Variants in TNN observed in about 807,000 individuals in gnomAD.
TNN encodes the protein tenascin N.
Under a neutral mutation model 134.4 loss-of-function variants are expected in TNN, and 122 were observed. The observed-to-expected ratio is 0.91, with a 90% CI of 0.78 to 1.06. The LOEUF is 1.06. Ranked by LOEUF, TNN falls within the 50% of genes least tolerant of loss-of-function variation. The probability of loss-of-function intolerance (pLI) is 0.00; values close to 1 mark genes in which losing one functional copy is unlikely to be tolerated. For synonymous variants in TNN, 710 were observed against 670.3 expected, an observed-to-expected ratio of 1.06 and a Z score of -0.91; for missense variants, 1,739 against 1,699.4, an observed-to-expected ratio of 1.02 and a Z score of -0.41.
rs187202853 is a variant in TNN, at chr1:175,096,937, G to C, written c.1589-480G>C. Among the ~76,000 whole-genome samples the C allele has an allele frequency of 4.7e-3, 721 of 152,256 alleles. 7 individuals are homozygous for C. The highest frequency in any genetic ancestry group is 0.017 in the African/African-American group (698 of 41,540). On this transcript the variant is annotated intron_variant, in intron 7 of 18. Transcript: ENST00000239462. ...GACCTCAGATACTATCAATTAAAAAGTCTCCTGGTTCCCTGGCCACAGATG... is the reference window on the plus strand; with the variant it reads ...GACCTCAGATACTATCAATTAAAAACTCTCCTGGTTCCCTGGCCACAGATG...
At chr1:175,108,530 C>T (rs765974840) in intron 9 of TNN, among the ~76,000 whole-genome samples, 4 of 152,218 alleles carry the variant, frequency 2.6e-5, no homozygotes, top group Non-Finnish European at 4.4e-5. Context: ...TGGGGAGGCT[C>T]GGGCTGCACA....
intron 15 of TNN, among the ~76,000 whole-genome samples, chr1:175,134,755 A>G (rs1352598530): frequency 6.6e-6 from 1 of 151,894 alleles, no homozygotes; most frequent in African/African-American, 2.4e-5. Context: ...ATGCACTTCC[A>G]TCTATTCTCA....
intron 12 of TNN, among the ~76,000 whole-genome samples, chr1:175,126,440 C>T (rs16847836): frequency 0.19 from 29,411 of 152,032 alleles, 3,816 homozygotes; most frequent in East Asian, 0.51. Flanking sequence ...AATCATAAGC[C>T]CATATTCTAC....
intron 15 of TNN, 34 bp downstream of exon 15, chr1:175,128,780 AG>A: frequency 1.9e-6 from 3 of 1,577,502 alleles, no homozygotes; most frequent in Middle Eastern, 1.8e-4. Flanking sequence ...AGCTCTGTGT[AG>A]GGCCTTCCTT....
intron 1 of TNN, among the ~76,000 whole-genome samples, chr1:175,071,260 AT>A (rs927769496): frequency 5.9e-4 from 89 of 150,228 alleles, no homozygotes; most frequent in African/African-American, 1.5e-3. Flanking sequence ...CGTAAGTAGT[AT>A]TTTTTTTTTC....
intron 10 of TNN, among the ~76,000 whole-genome samples, chr1:175,118,245 G>A (rs1013559970): frequency 6.6e-6 from 1 of 152,186 alleles, no homozygotes; most frequent in Non-Finnish European, 1.5e-5. Context: ...TCTGCACACT[G>A]TCTAGAACAT....
chr1:175,073,513 A>G (rs1438984656), intron 1 of TNN, among the ~76,000 whole-genome samples: 1 of 152,166 alleles, frequency 6.6e-6, no homozygotes, highest in Non-Finnish European at 1.5e-5. Context: ...AGTCCATTTC[A>G]GTATTGAGCC....
chr1:175,124,946 T>C (rs1409874157), intron 12 of TNN, among the ~76,000 whole-genome samples: 3 of 152,216 alleles, frequency 2.0e-5, no homozygotes, highest in Admixed American at 2.0e-4. Context: ...TCCTGCTTCA[T>C]AGAAATGTGA....
Position 175,067,838 on chromosome 1 carries a change from G to A in TNN, c.-133G>A, listed in dbSNP as rs764414481. The A allele has an allele frequency of 2.0e-6, 1 of 491,976 alleles. No homozygotes were observed. The highest frequency in any genetic ancestry group is 4.1e-6 in the Non-Finnish European group (1 of 246,904). 30.5% of individuals were successfully genotyped at this position (491,976 alleles called of 1,614,324 possible). On this transcript the variant is annotated 5_prime_UTR_variant, in exon 1 of 19. Transcript: ENST00000239462. ...CCAGGAAGGGAAGCCAAGGAGAGAC[G>A]AGAACCAGGGACGACCAGCAAGTAC...
At chr1:175,078,486 C>T (rs1414165011) in intron 2 of TNN, among the ~76,000 whole-genome samples, 1 of 152,142 alleles carries the variant, frequency 6.6e-6, no homozygotes, top group African/African-American at 2.4e-5. Context: ...CAGGCTGATC[C>T]AATGATAATG....
At chr1:175,091,624 A>G (rs1385844655) in intron 6 of TNN, among the ~76,000 whole-genome samples, 1 of 149,678 alleles carries the variant, frequency 6.7e-6, no homozygotes, top group Non-Finnish European at 1.5e-5. Context: ...GAGTCTTGCT[A>G]TGTCACCTAG....
At position 175,099,780 on chromosome 1, in the gene TNN, C is replaced by T. The variant is rs755037839; in HGVS notation, c.2119+1185C>T. On this transcript the variant is annotated intron_variant, in intron 9 of 18. Coordinates refer to ENST00000239462, the MANE Select transcript of TNN (RefSeq NM_022093.2). ...TGTTTGGGCCTGCCCTGGAGCCTGA[C>T]GAGTGCTAAAGCTGACTCGGTCATG... Among the ~76,000 whole-genome samples the T allele has an allele frequency of 7.9e-5, 12 of 152,258 alleles. No homozygotes were observed. The South Asian group carries it at 1.7e-3, about 21-fold the overall frequency.
chr1:175,093,178 C>T (rs1053110868), intron 6 of TNN, among the ~76,000 whole-genome samples: 8 of 152,228 alleles, frequency 5.3e-5, no homozygotes, highest in East Asian at 3.8e-4. Context: ...CCCCTCCAGC[C>T]GCTTGACTTA....
At chr1:175,125,609 T>TTC (rs749853192) in intron 12 of TNN, among the ~76,000 whole-genome samples, 173 of 146,694 alleles carry the variant, frequency 1.2e-3, no homozygotes, top group Non-Finnish European at 1.9e-3. Flanking sequence ...CTTTCTTTCT[T>TTC]TCTCTCTCTC....
chr1:175,091,627 T>A (rs1674449514), intron 6 of TNN, among the ~76,000 whole-genome samples: 1 of 151,828 alleles, frequency 6.6e-6, no homozygotes, highest in South Asian at 2.1e-4. Context: ...TCTTGCTATG[T>A]CACCTAGGCT....
chr1:175,115,712 G>T (rs1028308500), intron 9 of TNN, among the ~76,000 whole-genome samples: 1 of 152,144 alleles, frequency 6.6e-6, no homozygotes. Flanking sequence ...CAGGCCACAG[G>T]GGGTGGGGCA....
intron 9 of TNN, among the ~76,000 whole-genome samples, chr1:175,107,157 G>T (rs1006674510): frequency 6.8e-6 from 1 of 146,340 alleles, no homozygotes; most frequent in Non-Finnish European, 1.5e-5. Context: ...GGATGAAGCC[G>T]CAAACCCTCG....
Position 175,098,592 on chromosome 1 carries a change from A to T in TNN, c.2116A>T (p.Thr706Ser). Reference protein sequence around the residue: ...ESKKADTKAQTDIDSPQNLVT... With the variant: ...ESKKADTKAQSDIDSPQNLVT... ...CAAGAAGGCCGACACCAAGGCCCAGACAGGTAAGGAGTGTGCATTATTGCT... is the reference window on the plus strand; with the variant it reads ...CAAGAAGGCCGACACCAAGGCCCAGTCAGGTAAGGAGTGTGCATTATTGCT... The change falls in exon 9 of 19, where the codon ACA (threonine) becomes TCA (serine). Residue 706 changes from threonine to serine, a missense_variant. By Grantham distance (58) the Thr-to-Ser change is moderately conservative (BLOSUM62 1). Transcript: ENST00000239462. 6.2e-7 allele frequency: 1 copy of T among 1,614,044 alleles called. No individual in the cohort carries two copies. Among genetic ancestry groups the T allele is most frequent in the South Asian group, 1.1e-5 (1 of 91,072 alleles).
At chr1:175,108,740 C>T (rs530321301) in intron 9 of TNN, among the ~76,000 whole-genome samples, 104 of 151,966 alleles carry the variant, frequency 6.8e-4, no homozygotes, top group African/African-American at 2.3e-3. Flanking sequence ...CAGGGCTGGC[C>T]GGCTGCTCTG....
Sources: allele counts gnomAD v4.1 joint callset (sites outside exome capture counted in the v4.1 genomes callset), GRCh38; gene constraint gnomAD v4.1.1; transcripts MANE v1.5; gene names NCBI Gene and HGNC (gene_info 2026-07-23, HGNC 2026-07-21).